The following EFCAB7 variants were observed in gnomAD, a reference collection of about 807,000 sequenced individuals.
EFCAB7 encodes EF-hand calcium binding domain 7.
EFCAB7 carries 66 observed loss-of-function variants against 77.1 expected under a neutral mutation model. That is an observed-to-expected ratio of 0.86 (90% CI 0.70 to 1.05). EFCAB7 has a LOEUF of 1.05. Ranked by LOEUF, EFCAB7 falls within the 50% of genes least tolerant of loss-of-function variation. The probability of loss-of-function intolerance (pLI) is 0.00; values close to 1 mark genes in which losing one functional copy is unlikely to be tolerated. For synonymous variants in EFCAB7, 225 were observed against 243.3 expected (o/e 0.92, Z 0.70); for missense variants, 638 against 730.5 (o/e 0.87, Z 1.46).
chr1:63,568,036 A>G (rs1179344971), intron 11 of EFCAB7, among the ~76,000 whole-genome samples: 1 of 151,986 alleles, frequency 6.6e-6, no homozygotes, highest in Non-Finnish European at 1.5e-5. Context: ...AAATGAAGAG[A>G]TGGTATTATG....
chr1:63,579,265 A>G, the EFCAB7 span, among the ~76,000 whole-genome samples: 2 of 152,282 alleles, frequency 1.3e-5, no homozygotes, highest in South Asian at 4.1e-4. Flanking sequence ...CCACTATTCT[A>G]TTCTCATCAC....
chr1:63,549,701 A>C (rs892742933), intron 7 of EFCAB7: 11 of 262,954 alleles, frequency 4.2e-5, no homozygotes, highest in South Asian at 3.5e-4. Flanking sequence ...TATTTTACAC[A>C]TGTCAAGGGA....
At chr1:63,549,482 C>A (rs1166550460) in intron 7 of EFCAB7, 2 of 459,132 alleles carry the variant, frequency 4.4e-6, no homozygotes, top group Non-Finnish European at 8.9e-6. Context: ...AGGAGAGTAT[C>A]CAGGAGGTGG....
In EFCAB7 at chr1:63,571,137, T is replaced by A. The variant is rs1647245709; in HGVS notation, c.1815+9T>A. On this transcript the variant is annotated intron_variant, in intron 13 of 13. Coordinates refer to ENST00000371088, the MANE Select transcript of EFCAB7 (RefSeq NM_032437.4). ...GACCCAAATCTACAATGGTAATGTA[T>A]TATTTTCTAATTAAAGCCTTTTGTT... The A allele has an allele frequency of 1.3e-6, 2 of 1,579,690 alleles. No homozygotes were observed. Among genetic ancestry groups the A allele is most frequent in the South Asian group, 2.3e-5 (2 of 86,394 alleles).
rs181284880 is a variant in EFCAB7, at chr1:63,527,566, C to G, written c.187+1807C>G. Among the ~76,000 whole-genome samples the G allele has an allele frequency of 4.6e-4, 70 of 152,190 alleles. 1 individual carries two copies. The highest frequency in any genetic ancestry group is 1.6e-3 in the African/African-American group (66 of 41,526). ...GTCAGAACTTTAAAGTAAACCCTGGCAAAAGATCCATATCATGGTGTCAAA... is the reference window on the plus strand; with the variant it reads ...GTCAGAACTTTAAAGTAAACCCTGGGAAAAGATCCATATCATGGTGTCAAA... On this transcript the variant is annotated intron_variant, in intron 2 of 13. Transcript: ENST00000371088.
At chr1:63,549,480 A>G (rs1222145708) in intron 7 of EFCAB7, 3 of 461,008 alleles carry the variant, frequency 6.5e-6, no homozygotes, top group African/African-American at 2.0e-5. Flanking sequence ...ACAGGAGAGT[A>G]TCCAGGAGGT....
Position 63,528,838 on chromosome 1 carries a change from A to G in EFCAB7, c.188-2982A>G, listed in dbSNP as rs188394242. Among the ~76,000 whole-genome samples, 75 of 152,324 alleles carry G rather than the reference A, an allele frequency of 4.9e-4. 2 individuals carry two copies. In the East Asian group the frequency reaches 7.9e-3, roughly 16 times the overall value. Reference sequence around the variant, plus strand: ...TGTAAATGTGTTCTGTATATGTACCATGATTCAGTTAACCACTCCTTGATT... The same window carrying G: ...TGTAAATGTGTTCTGTATATGTACCGTGATTCAGTTAACCACTCCTTGATT... On this transcript the variant is annotated intron_variant, in intron 2 of 13. Transcript: ENST00000371088.
At position 63,561,813 on chromosome 1, in the gene EFCAB7, ACT is replaced by A; in HGVS notation, c.1456_1457del (p.Leu486ThrfsTer7). Reference sequence around the variant, plus strand: ...AGGAGATCCTTGTGACCTTTGGGTAACTCTACACTCTATGGGCTACAATAAAG... The same window carrying A: ...AGGAGATCCTTGTGACCTTTGGGTAACTACACTCTATGGGCTACAATAAAG... ...REGDPCDLWV[T>X]LHSMGYNKAL... On this transcript the variant is annotated frameshift_variant, in exon 11 of 14. Coordinates refer to ENST00000371088, the MANE Select transcript of EFCAB7 (RefSeq NM_032437.4). LOFTEE classifies it high-confidence loss of function. 6.2e-7 allele frequency: 1 copy of A among 1,606,726 alleles called. No individual in the cohort carries two copies. Among genetic ancestry groups the A allele is most frequent in the Non-Finnish European group, 8.5e-7 (1 of 1,175,682 alleles).
chr1:63,536,479 C>T (rs969406058), intron 6 of EFCAB7, among the ~76,000 whole-genome samples: 6 of 152,160 alleles, frequency 3.9e-5, no homozygotes, highest in African/African-American at 1.4e-4. Context: ...CTTCCAGGTT[C>T]AAGTGATTCT....
chr1:63,562,739 G>A (rs951736038), intron 11 of EFCAB7, among the ~76,000 whole-genome samples: 13 of 148,324 alleles, frequency 8.8e-5, no homozygotes, highest in African/African-American at 3.0e-4. Flanking sequence ...TATATTTTAT[G>A]TCAGATTTAA....
intron 10 of EFCAB7, among the ~76,000 whole-genome samples, chr1:63,559,693 G>C (rs1647072200): frequency 6.6e-6 from 1 of 152,006 alleles, no homozygotes; most frequent in Non-Finnish European, 1.5e-5. Flanking sequence ...AACCCCTGGA[G>C]GGTTCACTCT....
At chr1:63,576,545 T>A (rs934806977), downstream of EFCAB7, among the ~76,000 whole-genome samples, 43 of 149,504 alleles carry the variant, frequency 2.9e-4, no homozygotes, top group African/African-American at 1.0e-3. Context: ...CTTGTCCAGG[T>A]GCAGTGGCTC....
chr1:63,538,735 G>A (rs1464418612), intron 6 of EFCAB7, among the ~76,000 whole-genome samples: 1 of 152,172 alleles, frequency 6.6e-6, no homozygotes, highest in Non-Finnish European at 1.5e-5. Flanking sequence ...ACAGGCGTGA[G>A]CCACCGCACC....
chr1:63,559,960 A>AC (rs1390275490), intron 10 of EFCAB7, among the ~76,000 whole-genome samples: 2 of 148,046 alleles, frequency 1.4e-5, no homozygotes, highest in Non-Finnish European at 3.0e-5. Context: ...AGTGTTAATA[A>AC]TTTTTTTTTT....
At chr1:63,537,185 G>A (rs217452) in intron 6 of EFCAB7, among the ~76,000 whole-genome samples, 22,958 of 152,016 alleles carry the variant, frequency 0.15, 1,939 homozygotes, top group East Asian at 0.38. Context: ...ATTTACTTAG[G>A]TTCTGTGATG....
chr1:63,574,570 T>G (rs990901613), downstream of EFCAB7, among the ~76,000 whole-genome samples: 1 of 152,184 alleles, frequency 6.6e-6, no homozygotes, highest in Non-Finnish European at 1.5e-5. Context: ...TCTGATGCCT[T>G]TTGATGGCTG....
Position 63,557,165 on chromosome 1 carries a change from T to TAA in EFCAB7, c.1266_1267insAA (p.Leu423AsnfsTer12), listed in dbSNP as rs1409844319. 1.2e-6 allele frequency: 2 copies of TAA among 1,607,388 alleles called. No individual in the cohort carries two copies. ...TAATTGATTTAGATGGAAATGGTCT[T>TAA]CTTAGCCTTGAAGAATATAATTTTT... On this transcript the variant is annotated frameshift_variant, in exon 10 of 14. Transcript: ENST00000371088. LOFTEE classifies it high-confidence loss of function.
intron 2 of EFCAB7, among the ~76,000 whole-genome samples, chr1:63,528,123 C>G (rs1646629146): frequency 6.6e-6 from 1 of 152,112 alleles, no homozygotes; most frequent in Non-Finnish European, 1.5e-5. Flanking sequence ...TATCTGCACT[C>G]CCATGTTTAC....
chr1:63,536,461 A>C (rs567092028), intron 6 of EFCAB7, among the ~76,000 whole-genome samples: 140 of 152,052 alleles, frequency 9.2e-4, no homozygotes, highest in African/African-American at 3.3e-3. Flanking sequence ...GCTCAGTGCA[A>C]CCTCCACCTT....
Sources: allele counts gnomAD v4.1 joint callset (sites outside exome capture counted in the v4.1 genomes callset), GRCh38; gene constraint gnomAD v4.1.1; transcripts MANE v1.5; gene names NCBI Gene and HGNC (gene_info 2026-07-23, HGNC 2026-07-21).